Variants in IDO1 observed in about 807,000 individuals in gnomAD.
The protein encoded by IDO1 is indolamine 2,3 dioxygenase.
In IDO1, 35 loss-of-function variants were observed where a neutral mutation model predicts 38.8. That is an observed-to-expected ratio of 0.90 (90% CI 0.69 to 1.20). The LOEUF (loss-of-function observed/expected upper bound fraction) is 1.20. IDO1 is among the 50% of genes most tolerant of loss of function. IDO1 has a pLI of 0.00. For missense variants in IDO1, 509 were observed against 485.1 expected, an observed-to-expected ratio of 1.05 and a Z score of -0.46; for synonymous variants, 171 against 170.0, an observed-to-expected ratio of 1.01 and a Z score of -0.05.
In IDO1 at chr8:39,925,215, T is replaced by C. The variant is rs748207662; in HGVS notation, c.708-8T>C. ...GATTTTTCTTTTTTTCTTTCTTTCC[T>C]CTGATAGCTGGAAAGGCAACCCCCA... is the stretch of plus-strand genomic sequence containing the variant. On this transcript the variant is annotated splice_polypyrimidine_tract_variant and splice_region_variant and intron_variant, in intron 8 of 9. Transcript: ENST00000518237. 6.4e-7 allele frequency: 1 copy of C among 1,572,126 alleles called. No homozygotes were observed. Among genetic ancestry groups the C allele is most frequent in the Non-Finnish European group, 8.6e-7 (1 of 1,164,330 alleles).
Position 39,925,290 on chromosome 8 carries a change from T to C in IDO1, c.775T>C (p.Phe259Leu). 2 of 1,613,186 alleles carry C rather than the reference T, an allele frequency of 1.2e-6. No individual in the cohort carries two copies. Among genetic ancestry groups the C allele is most frequent in the South Asian group, 2.2e-5 (2 of 90,964 alleles). ...YEGFWEDPKE[F>L]AGGSAGQSSV... ...AGGGTTCTGGGAAGACCCAAAGGAG[T>C]TTGCAGGGGGCAGTGCAGGCCAAAG... Residue 259 changes from phenylalanine (F) to leucine (L), a missense_variant, in exon 9 of 10, where the codon TTT (phenylalanine) becomes CTT (leucine). Physicochemically the swap from Phe to Leu is conservative, Grantham distance 22. Coordinates refer to ENST00000518237, the MANE Select transcript of IDO1 (RefSeq NM_002164.6).
rs1267726381 is a variant in IDO1 at position 39,928,276 on chromosome 8, T to C, written c.*91T>C. Reference sequence around the variant, plus strand: ...TTGTAACAGAGCCACAAACTAATACTATGCAATGTTTTACCAATAATGCAA... The same window carrying C: ...TTGTAACAGAGCCACAAACTAATACCATGCAATGTTTTACCAATAATGCAA... On this transcript the variant is annotated 3_prime_UTR_variant, in exon 10 of 10. Coordinates refer to ENST00000518237, the MANE Select transcript of IDO1 (RefSeq NM_002164.6). 3 of 848,278 alleles carry C rather than the reference T, an allele frequency of 3.5e-6. No homozygotes were observed. In the East Asian group the frequency reaches 8.0e-5, roughly 23 times the overall value. The allele number at this position is 848,278 out of a possible 1,614,324, so 52.5% of individuals were successfully genotyped here.
chr8:39,921,440 A>G (rs538070957), intron 5 of IDO1, among the ~76,000 whole-genome samples: 3 of 152,272 alleles, frequency 2.0e-5, no homozygotes, highest in Admixed American at 2.0e-4. Context: ...GCGACAGAGT[A>G]AGACCCCATC....
At chr8:39,920,997 AAGGAG>A (rs1807263282) in intron 5 of IDO1, 1 of 152,216 alleles carries the variant, frequency 6.6e-6, no homozygotes, top group African/African-American at 2.4e-5. Flanking sequence ...AACCAAATAA[AAGGAG>A]TGATGGGGGA....
chr8:39,924,822 C>T lies in IDO1; in HGVS notation c.707+50C>T, dbSNP rs781444754. ...GTTTGCTCTCACTTAACAAAGAACA[C>T]CACCAAATTCTCTTGGTTGGTCCCT... On this transcript the variant is annotated intron_variant, in intron 8 of 9. Coordinates refer to ENST00000518237, the MANE Select transcript of IDO1 (RefSeq NM_002164.6). The T allele has an allele frequency of 2.3e-6, 3 of 1,328,484 alleles. No homozygotes were observed. The Admixed American group carries it at 5.5e-5, about 24-fold the overall frequency. 82.3% of individuals were successfully genotyped at this position (1,328,484 alleles called of 1,614,324 possible).
intron 4 of IDO1, 46 bp from the exon 5 acceptor site, chr8:39,920,054 T>C: frequency 6.3e-7 from 1 of 1,585,960 alleles, no homozygotes; most frequent in Non-Finnish European, 8.7e-7. Flanking sequence ...ATTGGTTTTC[T>C]TTCTCTCTTC....
chr8:39,925,540 G>A (rs1484077949), intron 9 of IDO1, among the ~76,000 whole-genome samples, 169 bp downstream of exon 9: 1 of 152,204 alleles, frequency 6.6e-6, no homozygotes, highest in African/African-American at 2.4e-5. Flanking sequence ...AAATGAAGAT[G>A]CAGAAACTTA....
chr8:39,923,506 AACGGGAC>A lies in IDO1; in HGVS notation c.578_584del (p.Arg193LeufsTer3), dbSNP rs757943387. 3 of 1,613,080 alleles carry A rather than the reference AACGGGAC, an allele frequency of 1.9e-6. No homozygotes were observed. The African/African-American group carries it at 4.0e-5, about 22-fold the overall frequency. On this transcript the variant is annotated frameshift_variant, in exon 7 of 10. Transcript: ENST00000518237. LOFTEE classifies it high-confidence loss of function. Reference sequence around the variant, plus strand: ...GTATTCAAGGCAATGCAAATGCAAGAACGGGACACTTTGCTAAAGGCGCTGTTGGAAA... The same window carrying A: ...GTATTCAAGGCAATGCAAATGCAAGAACTTTGCTAAAGGCGCTGTTGGAAA...
intron 8 of IDO1, 34 bp downstream of exon 8, chr8:39,924,806 CACTT>C (rs756402973): frequency 2.2e-5 from 33 of 1,508,722 alleles, no homozygotes; most frequent in Non-Finnish European, 2.9e-5. Flanking sequence ...TGTTTGCTCT[CACTT>C]AACAAAGAAC....
At chr8:39,918,655 A>G (rs1370192975) in intron 3 of IDO1, among the ~76,000 whole-genome samples, 160 bp from the exon 4 acceptor site, 2 of 146,708 alleles carry the variant, frequency 1.4e-5, no homozygotes, top group Non-Finnish European at 3.0e-5. Context: ...CTGAGGTGGG[A>G]GAATCACTTG....
chr8:39,916,499 A>G (rs960054681), intron 1 of IDO1, among the ~76,000 whole-genome samples: 22 of 152,116 alleles, frequency 1.4e-4, no homozygotes, highest in African/African-American at 5.1e-4. Flanking sequence ...AATAATAACA[A>G]TTCTGCTAGC....
At position 39,924,722 on chromosome 8, in the gene IDO1, T is replaced by A. The variant is rs148682026; in HGVS notation, c.657T>A (p.Asp219Glu). Residue 219 changes from aspartate (D) to glutamate (E), a missense_variant and splice_region_variant, in exon 8 of 10, where the codon GAT (aspartate) becomes GAA (glutamate). Transcript: ENST00000518237. ...TAAACATATTCCATCTTTTTACAGA[T>A]CATGTGAACCCAAAAGCATTTTTCA... ...KALQVFHQIH[D>E]HVNPKAFFSV... is the part of the protein sequence containing the mutation. 1 of 1,601,398 alleles carries A rather than the reference T, an allele frequency of 6.2e-7. No homozygotes were observed. Among genetic ancestry groups the A allele is most frequent in the African/African-American group, 1.3e-5 (1 of 74,800 alleles).
At chr8:39,924,209 T>C (rs1807323214) in intron 7 of IDO1, among the ~76,000 whole-genome samples, 1 of 151,942 alleles carries the variant, frequency 6.6e-6, no homozygotes, top group Non-Finnish European at 1.5e-5. Flanking sequence ...TCAAATCAAG[T>C]AGGGTAGGAG....
intron 1 of IDO1, chr8:39,914,382 C>T (rs2129592015): frequency 6.2e-6 from 1 of 162,250 alleles, no homozygotes; most frequent in African/African-American, 2.4e-5. Flanking sequence ...AGCCATGAGT[C>T]AAACAGAAAT....
chr8:39,927,924 T>C lies in IDO1; in HGVS notation c.951T>C (p.Arg317=), dbSNP rs1478545552. Residue 317 remains arginine, a synonymous_variant, in exon 10 of 10, where the codon CGT becomes CGC. Transcript: ENST00000518237. ...CATTAGAGTCAAATCCCTCAGTCCG[T>C]GAGTTTGTCCTTTCAAAAGGTGATG... ...LCSLESNPSV[R]EFVLSKGDAG... 2 of 1,606,832 alleles carry C rather than the reference T, an allele frequency of 1.2e-6. No homozygotes were observed. The highest frequency in any genetic ancestry group is 2.2e-5 in the South Asian group (2 of 89,574).
At chr8:39,924,462 C>A (rs370284012) in intron 7 of IDO1, among the ~76,000 whole-genome samples, 1 of 151,524 alleles carries the variant, frequency 6.6e-6, no homozygotes, top group Admixed American at 6.6e-5. Flanking sequence ...TGGTTTGTTT[C>A]TTTATGTAAA....
At chr8:39,919,607 T>C (rs557190616) in intron 4 of IDO1, among the ~76,000 whole-genome samples, 50 of 152,290 alleles carry the variant, frequency 3.3e-4, no homozygotes, top group African/African-American at 1.2e-3. Context: ...TAGAAAAATA[T>C]TCTGCAAATG....
intron 1 of IDO1, among the ~76,000 whole-genome samples, chr8:39,914,926 C>T (rs1369136694): frequency 6.6e-6 from 1 of 152,116 alleles, no homozygotes; most frequent in Non-Finnish European, 1.5e-5. Flanking sequence ...CCACCACACC[C>T]AGCTACTTTT....
At position 39,924,771 on chromosome 8, in the gene IDO1, G is replaced by T. The variant is rs765858179; in HGVS notation, c.706G>T (p.Gly236Cys). The change falls in exon 8 of 10, where the codon GGC (glycine) becomes TGC (cysteine). Residue 236 changes from glycine to cysteine, a missense_variant and splice_region_variant. Physicochemically the swap from Gly to Cys is radical, Grantham distance 159. Coordinates refer to ENST00000518237, the MANE Select transcript of IDO1 (RefSeq NM_002164.6). ...CAGTGTTCTTCGCATATATTTGTCTGGGTATGTAGTCTTATGTTTGAATTT... is the reference window on the plus strand; with the variant it reads ...CAGTGTTCTTCGCATATATTTGTCTTGGTATGTAGTCTTATGTTTGAATTT... ...FFSVLRIYLSGWKGNPQLSDG... is the reference protein window; with the variant it reads ...FFSVLRIYLSCWKGNPQLSDG... 6.2e-7 allele frequency: 1 copy of T among 1,604,880 alleles called. No homozygotes were observed.
Sources: gnomAD v4.1 joint callset for allele counts (sites outside exome capture counted in the v4.1 genomes callset) on GRCh38, gnomAD v4.1.1 for gene constraint, MANE v1.5 for transcripts, NCBI Gene and HGNC (gene_info 2026-07-23, HGNC 2026-07-21) for gene names.